Variants in TMC5 observed in about 807,000 individuals in gnomAD.
TMC5 encodes the protein transmembrane channel-like protein 5.
In TMC5, 86 loss-of-function variants were observed where a neutral mutation model predicts 110.5. The observed-to-expected ratio is 0.78, with a 90% confidence interval of 0.65 to 0.93. TMC5 has a LOEUF of 0.93. TMC5 is among the 40% of genes least tolerant of loss of function. TMC5 has a pLI of 0.00. For synonymous variants in TMC5, 455 were observed against 439.5 expected, an observed-to-expected ratio of 1.04 and a Z score of -0.44; for missense variants, 1,144 against 1,222.8, an observed-to-expected ratio of 0.94 and a Z score of 0.96.
chr16:19,422,630 G>A (rs940078685), intron 1 of TMC5, among the ~76,000 whole-genome samples: 1 of 152,072 alleles, frequency 6.6e-6, no homozygotes, highest in Admixed American at 6.6e-5. Flanking sequence ...CCAGGCATTA[G>A]AAATCAGCCT....
At chr16:19,474,918 T>G (rs1968448702) in intron 12 of TMC5, 1 of 152,274 alleles carries the variant, frequency 6.6e-6, no homozygotes. Context: ...GAAGGGCCCA[T>G]TTTTGTAATT....
At chr16:19,438,435 G>GAGAAAGAAAGAAAGAAAGAAAGAAAGAA (rs71143882) in intron 2 of TMC5, among the ~76,000 whole-genome samples, 18,405 of 103,442 alleles carry the variant, frequency 0.18, 2,245 homozygotes, top group Non-Finnish European at 0.21. Flanking sequence ...AAGAAAGAAA[G>GAGAAAGAAAGAAAGAAAGAAAGAAAGAA]AGAAAGAAAG....
At chr16:19,413,943 G>A (rs183202705), upstream of TMC5, among the ~76,000 whole-genome samples, 30 of 152,268 alleles carry the variant, frequency 2.0e-4, no homozygotes, top group Admixed American at 5.9e-4. Flanking sequence ...GCTGCTGTGA[G>A]GATTAAATAC....
chr16:19,436,583 G>A (rs1967355633), intron 2 of TMC5, among the ~76,000 whole-genome samples: 1 of 152,206 alleles, frequency 6.6e-6, no homozygotes, highest in Non-Finnish European at 1.5e-5. Context: ...ACTACAGACA[G>A]TTTATATAGG....
intron 1 of TMC5, among the ~76,000 whole-genome samples, chr16:19,420,532 T>C (rs1279327405): frequency 6.6e-6 from 1 of 152,182 alleles, no homozygotes; most frequent in East Asian, 1.9e-4. Flanking sequence ...ATGATCATAG[T>C]GCACTGCAGC....
At chr16:19,449,736 G>T (rs1967705179) in intron 5 of TMC5, 105 bp downstream of exon 5, 2 of 1,013,170 alleles carry the variant, frequency 2.0e-6, no homozygotes, top group Non-Finnish European at 3.1e-6. Context: ...GGATCATGGG[G>T]GTGGTTTCCC....
intron 1 of TMC5, among the ~76,000 whole-genome samples, chr16:19,422,248 A>C (rs1324848060): frequency 6.6e-6 from 1 of 151,532 alleles, no homozygotes; most frequent in East Asian, 1.9e-4. Context: ...AAAAAGAGAG[A>C]GAGAGAGAAG....
At chr16:19,466,557 G>A (rs1420255123) in intron 9 of TMC5, among the ~76,000 whole-genome samples, 1 of 152,144 alleles carries the variant, frequency 6.6e-6, no homozygotes, top group African/African-American at 2.4e-5. Context: ...TGACCATGTT[G>A]GCCAGGCTGG....
chr16:19,475,011 GCAT>G (rs1313231572), intron 12 of TMC5: 1 of 152,262 alleles, frequency 6.6e-6, no homozygotes, highest in Admixed American at 6.5e-5. Flanking sequence ...TCCCACAAAG[GCAT>G]CATACGTGCT....
At chr16:19,428,035 G>A (rs554414986) in intron 1 of TMC5, among the ~76,000 whole-genome samples, 2 of 152,316 alleles carry the variant, frequency 1.3e-5, no homozygotes, top group African/African-American at 4.8e-5. Context: ...TTACAAAGTA[G>A]CATTAATCAA....
At chr16:19,490,886 CTTCT>C (rs1407763646) in intron 18 of TMC5, among the ~76,000 whole-genome samples, 1 of 127,458 alleles carries the variant, frequency 7.8e-6, no homozygotes, top group East Asian at 2.3e-4. Context: ...TCCTTCCTTC[CTTCT>C]TTCTCCCTTC....
At chr16:19,464,792 T>C (rs1312248806) in intron 8 of TMC5, among the ~76,000 whole-genome samples, 1 of 152,140 alleles carries the variant, frequency 6.6e-6, no homozygotes, top group East Asian at 1.9e-4. Context: ...AAGTTCATTT[T>C]ATATTTTTTT....
At chr16:19,492,968 T>TATAAA (rs1968953145) in intron 19 of TMC5, among the ~76,000 whole-genome samples, 1 of 125,568 alleles carries the variant, frequency 8.0e-6, no homozygotes, top group Admixed American at 8.3e-5. Flanking sequence ...TTTCATTTAT[T>TATAAA]TATTTATTTT....
In TMC5 at chr16:19,444,138, C is replaced by G; in HGVS notation, c.846C>G (p.Pro282=). ...QPSFRHRSDD[P]VGSLWGENDY... ...CATTTCGTCACAGGAGTGATGACCC[C>G]GTGGGCAGTCTTTGGGGAGAGAATG... Residue 282 remains proline, a synonymous_variant, in exon 4 of 22, where the codon CCC becomes CCG. Coordinates refer to ENST00000542583, the MANE Select transcript of TMC5 (RefSeq NM_001261841.2). 6.2e-7 allele frequency: 1 copy of G among 1,614,038 alleles called. No homozygotes were observed. Among genetic ancestry groups the G allele is most frequent in the Non-Finnish European group, 8.5e-7 (1 of 1,180,000 alleles).
chr16:19,434,060 A>T lies in TMC5; in HGVS notation c.-80+3420A>T, dbSNP rs1189730660. 4.4e-3 allele frequency among the ~76,000 whole-genome samples: 82 copies of T among 18,568 alleles called. No individual in the cohort carries two copies. In the East Asian group the frequency reaches 0.061, roughly 14 times the overall value. The allele number at this position is 18,568 out of a possible 152,430, so 12.2% of individuals were successfully genotyped here. A position where few individuals can be genotyped will look rare whatever the true frequency, so the allele number is the denominator to read the frequency against. ...TTATATATATAATATATATAATATA[A>T]ATCTATATATATTATATATAATATA... is the stretch of plus-strand genomic sequence containing the variant. On this transcript the variant is annotated intron_variant, in intron 2 of 21. Transcript: ENST00000542583.
chr16:19,493,969 C>T (rs772788949), intron 19 of TMC5, among the ~76,000 whole-genome samples: 7 of 152,052 alleles, frequency 4.6e-5, no homozygotes, highest in Non-Finnish European at 7.4e-5. Flanking sequence ...GGTATTGAGA[C>T]GTGGCATGTA....
chr16:19,413,199 G>C (rs1175388748), upstream of TMC5, among the ~76,000 whole-genome samples: 1 of 152,096 alleles, frequency 6.6e-6, no homozygotes. Flanking sequence ...GGAGAGTTCT[G>C]TGTTCTGGTA....
chr16:19,425,919 T>C (rs1967080113), intron 1 of TMC5, among the ~76,000 whole-genome samples: 1 of 152,184 alleles, frequency 6.6e-6, no homozygotes, highest in Admixed American at 6.5e-5. Context: ...ACTCCTGACC[T>C]CAGGCAATCC....
rs1239094037 is a variant in TMC5 at position 19,418,794 on chromosome 16, CAT to C, written c.-308+704_-308+705del. Among the ~76,000 whole-genome samples the C allele has an allele frequency of 2.8e-5, 4 of 144,984 alleles. No individual in the cohort carries two copies. The East Asian group carries it at 6.5e-4, about 24-fold the overall frequency. On this transcript the variant is annotated intron_variant, in intron 1 of 21. Coordinates refer to ENST00000542583, the MANE Select transcript of TMC5 (RefSeq NM_001261841.2). ...CCAGGCTGGAGTACAGTGGTGAAAT[CAT>C]AGCTCACTGCAGCCTTGATCTCCTG...
Sources: allele counts gnomAD v4.1 joint callset (sites outside exome capture counted in the v4.1 genomes callset), GRCh38; gene constraint gnomAD v4.1.1; transcripts MANE v1.5; gene names NCBI Gene and HGNC (gene_info 2026-07-23, HGNC 2026-07-21).